The following EFCC1 variants were observed in gnomAD, a reference collection of about 807,000 sequenced individuals.
EFCC1 encodes the protein EF-hand and coiled-coil domain-containing protein 1.
EFCC1 carries 50 observed loss-of-function variants against 52.1 expected under a neutral mutation model. That is an observed-to-expected ratio of 0.96 (90% CI 0.76 to 1.21). The LOEUF (loss-of-function observed/expected upper bound fraction) is 1.21, where lower values mean the gene tolerates loss of function less well. EFCC1 is among the 50% of genes most tolerant of loss of function. EFCC1 has a pLI of 0.00. For synonymous variants in EFCC1, 399 were observed against 396.5 expected (o/e 1.01, Z -0.08); for missense variants, 837 against 867.3 (o/e 0.97, Z 0.44).
intron 1 of EFCC1, chr3:129,002,676 T>G (rs1410175290): frequency 1.1e-5 from 3 of 285,308 alleles, no homozygotes; most frequent in African/African-American, 4.4e-5. Context: ...ACAAGCATCT[T>G]TCTCTCTCCT....
chr3:129,003,152 A>G (rs1463012281), intron 1 of EFCC1, among the ~76,000 whole-genome samples: 3 of 152,208 alleles, frequency 2.0e-5, no homozygotes, highest in Admixed American at 2.0e-4. Flanking sequence ...GGGAAGTGGC[A>G]AGGTGTGGTT....
chr3:129,002,128 G>C lies in EFCC1; in HGVS notation c.500G>C (p.Ser167Thr). Residue 167 changes from serine (S) to threonine (T), a missense_variant, in exon 1 of 8, where the codon AGC becomes ACC. Coordinates refer to ENST00000683648, the MANE Select transcript of EFCC1 (RefSeq NM_001377500.1). ...AGPRLPRGAL[S>T]EHIETQIRLR... Reference sequence around the variant, plus strand: ...CCCCGGCTGCCCCGCGGCGCTCTCAGCGAGCACATCGAGACGCAGATCCGC... The same window carrying C: ...CCCCGGCTGCCCCGCGGCGCTCTCACCGAGCACATCGAGACGCAGATCCGC... 1.4e-6 allele frequency: 2 copies of C among 1,475,826 alleles called. No homozygotes were observed. Among genetic ancestry groups the C allele is most frequent in the Non-Finnish European group, 1.8e-6 (2 of 1,120,696 alleles). 91.4% of individuals were successfully genotyped at this position (1,475,826 alleles called of 1,614,324 possible). A position where few individuals can be genotyped will look rare whatever the true frequency, so the allele number is the denominator to read the frequency against.
intron 4 of EFCC1, among the ~76,000 whole-genome samples, chr3:129,033,632 A>C (rs765510797): frequency 1.3e-5 from 2 of 152,202 alleles, no homozygotes; most frequent in Middle Eastern, 3.2e-3. Context: ...CTTCATGTCA[A>C]CAAGCACTTA....
At chr3:129,017,989 G>C (rs1945664039) in intron 2 of EFCC1, among the ~76,000 whole-genome samples, 1 of 152,210 alleles carries the variant, frequency 6.6e-6, no homozygotes, top group Admixed American at 6.5e-5. Flanking sequence ...GCTGCTCATT[G>C]AAGCAAGAAA....
chr3:129,002,399 C>A, intron 1 of EFCC1, 75 bp downstream of exon 1: 16 of 1,457,692 alleles, frequency 1.1e-5, no homozygotes, highest in Non-Finnish European at 1.4e-5. Flanking sequence ...GGCTGCGGAG[C>A]CCGACAGGAC....
chr3:129,038,927 G>C (rs1434136251), intron 7 of EFCC1, 27 bp downstream of exon 7: 5 of 1,606,578 alleles, frequency 3.1e-6, no homozygotes, highest in Non-Finnish European at 3.4e-6. Context: ...GTCTCTCAGA[G>C]CCCACGCAGT....
intron 2 of EFCC1, among the ~76,000 whole-genome samples, chr3:129,028,097 T>C (rs1202340612): frequency 6.6e-6 from 1 of 150,662 alleles, no homozygotes; most frequent in African/African-American, 2.4e-5. Context: ...TTTTTTTTTC[T>C]TTTTTGAGAT....
intron 1 of EFCC1, chr3:129,003,260 G>C: frequency 1.0e-6 from 1 of 985,448 alleles, no homozygotes; most frequent in South Asian, 4.7e-5. Flanking sequence ...GGATGCGCCT[G>C]AACGGTCTTC....
chr3:129,002,885 C>T (rs1320421548), intron 1 of EFCC1, among the ~76,000 whole-genome samples: 2 of 152,170 alleles, frequency 1.3e-5, no homozygotes, highest in Non-Finnish European at 2.9e-5. Context: ...CAGGCACTCA[C>T]GGGCCACCAA....
At chr3:129,029,095 TC>T (rs1427011941) in intron 2 of EFCC1, among the ~76,000 whole-genome samples, 1 of 152,162 alleles carries the variant, frequency 6.6e-6, no homozygotes, top group Non-Finnish European at 1.5e-5. Flanking sequence ...ATTCGAGTTC[TC>T]CCGTGTCCCC....
rs940804915 is a variant in EFCC1 at position 129,010,614 on chromosome 3, G to A, written c.980+6537G>A. Among the ~76,000 whole-genome samples, 1 of 151,734 alleles carries A rather than the reference G, an allele frequency of 6.6e-6. No homozygotes were observed. Among genetic ancestry groups the A allele is most frequent in the Non-Finnish European group, 1.5e-5 (1 of 67,912 alleles). ...GCTACCTCCTTTCTTCTGCCCCATT[G>A]CTGCTGCCTGGCCTGACCTGGCAGC... On this transcript the variant is annotated intron_variant, in intron 2 of 7. Coordinates refer to ENST00000683648, the MANE Select transcript of EFCC1 (RefSeq NM_001377500.1). The surrounding 1 kb of genome is among the most constrained non-coding windows in gnomAD (Gnocchi z 4.3).
At chr3:129,028,905 T>C (rs1946207056) in intron 2 of EFCC1, among the ~76,000 whole-genome samples, 1 of 152,206 alleles carries the variant, frequency 6.6e-6, no homozygotes, top group South Asian at 2.1e-4. Flanking sequence ...CCTCCCAAAG[T>C]GCTAGGATTA....
rs572246543 is a variant in EFCC1 at position 129,001,361 on chromosome 3, G to A, written c.-268G>A. Among the ~76,000 whole-genome samples, 1 of 152,350 alleles carries A rather than the reference G, an allele frequency of 6.6e-6. No individual in the cohort carries two copies. Among genetic ancestry groups the A allele is most frequent in the East Asian group, 1.9e-4 (1 of 5,170 alleles). On this transcript the variant is annotated 5_prime_UTR_variant, in exon 1 of 8. Transcript: ENST00000683648. The stretch of plus-strand genomic sequence containing the variant: ...GAGAGCGTGGGAGTCACGCGGAGAA[G>A]CCAGACCCAGACGCCGACCGGGCAC...
chr3:129,022,954 TCTC>T (rs1280254861), intron 2 of EFCC1, among the ~76,000 whole-genome samples: 1 of 152,152 alleles, frequency 6.6e-6, no homozygotes, highest in African/African-American at 2.4e-5. Flanking sequence ...GTCTCCAACT[TCTC>T]CTCACAGTTG....
chr3:129,038,536 A>G (rs1224345281), intron 6 of EFCC1, among the ~76,000 whole-genome samples: 2 of 152,284 alleles, frequency 1.3e-5, no homozygotes, highest in African/African-American at 2.4e-5. Context: ...CAAATGCATT[A>G]AAATGCTCTT....
At chr3:129,028,034 T>C (rs192528739) in intron 2 of EFCC1, among the ~76,000 whole-genome samples, 3 of 152,080 alleles carry the variant, frequency 2.0e-5, no homozygotes, top group African/African-American at 7.2e-5. Flanking sequence ...GAAAATGAGT[T>C]GTCATACTAT....
intron 1 of EFCC1, 33 bp downstream of exon 1, chr3:129,002,357 G>A (rs1354633284): frequency 5.6e-5 from 83 of 1,495,234 alleles, no homozygotes; most frequent in Non-Finnish European, 6.9e-5. Flanking sequence ...GGGTGGTAAC[G>A]CCCGGGAGAG....
At chr3:129,007,745 A>G (rs1945137095) in intron 2 of EFCC1, among the ~76,000 whole-genome samples, 1 of 152,218 alleles carries the variant, frequency 6.6e-6, no homozygotes, top group African/African-American at 2.4e-5. Context: ...CTGTGCTGCC[A>G]CTTTCCTAAA....
chr3:129,031,850 G>A (rs1200467489), intron 3 of EFCC1, among the ~76,000 whole-genome samples: 2 of 152,180 alleles, frequency 1.3e-5, no homozygotes, highest in African/African-American at 4.8e-5. Flanking sequence ...CAAGTTTTGA[G>A]TCCAAGTCTT....
Sources: gnomAD v4.1 joint callset for allele counts (sites outside exome capture counted in the v4.1 genomes callset) on GRCh38, gnomAD v4.1.1 for gene constraint, Gnocchi (gnomAD v3.1) non-coding constraint, MANE v1.5 for transcripts, NCBI Gene and HGNC (gene_info 2026-07-23, HGNC 2026-07-21) for gene names.